Variants in KLF12 observed in about 807,000 individuals in gnomAD.
KLF12 encodes Krueppel-like factor 12.
A neutral mutation model predicts 37.8 loss-of-function variants in KLF12; 9 were observed. That is an observed-to-expected ratio of 0.24 (90% CI 0.14 to 0.42). The LOEUF is 0.42. Among genes scored for constraint, KLF12 ranks in the 10% least tolerant of loss-of-function variants. The probability of loss-of-function intolerance (pLI) is 1.00; values close to 1 mark genes in which losing one functional copy is unlikely to be tolerated. For missense variants in KLF12, 411 were observed against 516.0 expected, an observed-to-expected ratio of 0.80 and a Z score of 1.97; for synonymous variants, 208 against 202.1, an observed-to-expected ratio of 1.03 and a Z score of -0.25.
chr13:74,303,221 CT>C, the KLF12 span, among the ~76,000 whole-genome samples: 1 of 152,096 alleles, frequency 6.6e-6, no homozygotes, highest in Admixed American at 6.6e-5. Context: ...GAAATGGTGC[CT>C]TTTTCTTCTT....
chr13:73,712,721 A>G (rs543155002), intron 7 of KLF12, among the ~76,000 whole-genome samples: 1 of 152,334 alleles, frequency 6.6e-6, no homozygotes, highest in Non-Finnish European at 1.5e-5. Context: ...TCCAACCTTT[A>G]GCAACTATCA....
chr13:73,707,484 A>G (rs758501868), intron 7 of KLF12, among the ~76,000 whole-genome samples: 4 of 152,202 alleles, frequency 2.6e-5, no homozygotes, highest in Non-Finnish European at 4.4e-5. Flanking sequence ...CTATTTGATC[A>G]GGACTTACAA....
intron 5 of KLF12, among the ~76,000 whole-genome samples, chr13:73,780,904 T>A (rs188199721): frequency 3.3e-4 from 51 of 152,362 alleles, no homozygotes; most frequent in Admixed American, 2.9e-3. Flanking sequence ...ATCAGAGGAT[T>A]GACTCCAATT....
chr13:73,911,286 G>T (rs2139152682), intron 3 of KLF12, among the ~76,000 whole-genome samples: 1 of 152,126 alleles, frequency 6.6e-6, no homozygotes, highest in South Asian at 2.1e-4. Flanking sequence ...TAAGAGGCAA[G>T]AGCATAAGGT....
chr13:74,082,956 C>T (rs1875002546), intron 1 of KLF12, among the ~76,000 whole-genome samples: 1 of 151,978 alleles, frequency 6.6e-6, no homozygotes. Context: ...CAAAGCAAAA[C>T]AAGTACAGGC....
At chr13:73,916,050 A>G (rs1593720385) in intron 3 of KLF12, among the ~76,000 whole-genome samples, 1 of 152,128 alleles carries the variant, frequency 6.6e-6, no homozygotes, top group African/African-American at 2.4e-5. Flanking sequence ...CTCTCATGCC[A>G]AAAACATGGA....
chr13:74,275,229 G>A, the KLF12 span, among the ~76,000 whole-genome samples: 1 of 152,214 alleles, frequency 6.6e-6, no homozygotes, highest in Middle Eastern at 3.4e-3. Context: ...TGATTGGTGG[G>A]GCAGAGCAGT....
At chr13:74,013,375 T>C (rs982963070) in intron 1 of KLF12, among the ~76,000 whole-genome samples, 20 of 152,198 alleles carry the variant, frequency 1.3e-4, no homozygotes, top group African/African-American at 4.6e-4. Context: ...AGGCTGAAAG[T>C]GGCAGGGACA....
intron 1 of KLF12, among the ~76,000 whole-genome samples, chr13:74,007,366 C>A (rs1188780731): frequency 6.6e-6 from 1 of 151,890 alleles, no homozygotes; most frequent in Non-Finnish European, 1.5e-5. Context: ...AGCTCCATCC[C>A]CCCCGGGTTC....
At chr13:74,281,074 T>A in the KLF12 span, among the ~76,000 whole-genome samples, 1 of 152,292 alleles carries the variant, frequency 6.6e-6, no homozygotes, top group South Asian at 2.1e-4. Flanking sequence ...ATATCTATAC[T>A]TTGTTGTATT....
intron 5 of KLF12, among the ~76,000 whole-genome samples, chr13:73,795,727 T>C (rs1414358166): frequency 6.6e-6 from 1 of 152,172 alleles, no homozygotes; most frequent in Non-Finnish European, 1.5e-5. Context: ...TAGAGAGCTA[T>C]AAAATATGGA....
intron 1 of KLF12, among the ~76,000 whole-genome samples, chr13:73,995,824 TTA>T (rs1892100115): frequency 6.6e-6 from 1 of 152,214 alleles, no homozygotes; most frequent in Non-Finnish European, 1.5e-5. Flanking sequence ...TCTCTCAGCA[TTA>T]TGTTACTTGC....
At chr13:73,902,638 T>C (rs940543149) in intron 3 of KLF12, among the ~76,000 whole-genome samples, 1 of 152,364 alleles carries the variant, frequency 6.6e-6, no homozygotes, top group Non-Finnish European at 1.5e-5. Flanking sequence ...TAAAGTGTTC[T>C]TTAGACAAAC....
chr13:74,040,635 T>C (rs1893375841), intron 1 of KLF12, among the ~76,000 whole-genome samples: 1 of 152,220 alleles, frequency 6.6e-6, no homozygotes, highest in African/African-American at 2.4e-5. Context: ...TTAGACACAA[T>C]GAATGCATTA....
At chr13:73,869,293 AG>A (rs1489720858) in intron 3 of KLF12, among the ~76,000 whole-genome samples, 1 of 152,188 alleles carries the variant, frequency 6.6e-6, no homozygotes, top group African/African-American at 2.4e-5. Context: ...AACAACTATA[AG>A]AAAAAGAGAA....
chr13:73,933,119 G>A (rs71431596), intron 3 of KLF12, among the ~76,000 whole-genome samples: 5 of 152,026 alleles, frequency 3.3e-5, no homozygotes, highest in Admixed American at 1.3e-4. Flanking sequence ...CTACTCAAAG[G>A]ATTACTAAGG....
At chr13:73,987,311 T>C (rs1400642776) in intron 2 of KLF12, among the ~76,000 whole-genome samples, 1 of 152,126 alleles carries the variant, frequency 6.6e-6, no homozygotes, top group Admixed American at 6.5e-5. Context: ...TATACAACTG[T>C]TGATACATAA....
chr13:73,793,325 A>T, intron 5 of KLF12, among the ~76,000 whole-genome samples: 1 of 152,244 alleles, frequency 6.6e-6, no homozygotes, highest in South Asian at 2.1e-4. Flanking sequence ...GTTTGTAAAA[A>T]TATTAGTAGG....
chr13:74,056,812 T>A (rs554958670), intron 1 of KLF12, among the ~76,000 whole-genome samples: 1 of 152,202 alleles, frequency 6.6e-6, no homozygotes, highest in Non-Finnish European at 1.5e-5. Context: ...CATGTCTGCC[T>A]TTTTTGGGAG....
Sources: allele counts gnomAD v4.1 joint callset (sites outside exome capture counted in the v4.1 genomes callset), GRCh38; gene constraint gnomAD v4.1.1; transcripts MANE v1.5; gene names NCBI Gene and HGNC (gene_info 2026-07-23, HGNC 2026-07-21).